Variants in ABCA1 observed in about 807,000 individuals in gnomAD.
The protein encoded by ABCA1 is ATP binding cassette subfamily A member 1.
Under a neutral mutation model 262.5 loss-of-function variants are expected in ABCA1, and 133 were observed. That is an observed-to-expected ratio of 0.51 (90% CI 0.44 to 0.59). The LOEUF (loss-of-function observed/expected upper bound fraction) is 0.59, where lower values mean the gene tolerates loss of function less well. Ranked by LOEUF, ABCA1 falls within the 20% of genes least tolerant of loss-of-function variation. ABCA1 has a pLI of 0.00. For synonymous variants in ABCA1, 1,022 were observed against 1,043.5 expected (o/e 0.98, Z 0.40); for missense variants, 2,452 against 2,777.5 (o/e 0.88, Z 2.63).
chr9:104,862,653 CCG>C (rs1836598926), intron 5 of ABCA1, among the ~76,000 whole-genome samples: 3 of 3,578 alleles, frequency 8.4e-4, no homozygotes, highest in Non-Finnish European at 1.8e-3. Flanking sequence ...CCGGGCCGGG[CCG>C]GGCCGGGCCG....
At chr9:104,831,520 T>C in intron 13 of ABCA1, 102 bp downstream of exon 13, 1 of 1,022,306 alleles carries the variant, frequency 9.8e-7, no homozygotes, top group South Asian at 1.7e-5. Flanking sequence ...GTTGTTGAAA[T>C]TTCTACCAAA....
chr9:104,829,182 G>A (rs377083767), intron 14 of ABCA1, 44 bp from the exon 15 acceptor site: 111 of 1,600,764 alleles, frequency 6.9e-5, no homozygotes, highest in African/African-American at 6.0e-4. Context: ...AAAGACACAC[G>A]TGAGCCAGGG....
intron 7 of ABCA1, among the ~76,000 whole-genome samples, chr9:104,850,502 GATAAA>G (rs1304657995): frequency 6.6e-6 from 1 of 150,484 alleles, no homozygotes; most frequent in Non-Finnish European, 1.5e-5. Flanking sequence ...TCAATGAAAA[GATAAA>G]AGAGGAAGGA....
chr9:104,809,161 A>G (rs7857007), intron 30 of ABCA1, among the ~76,000 whole-genome samples: 35 of 152,378 alleles, frequency 2.3e-4, no homozygotes, highest in African/African-American at 7.7e-4. Flanking sequence ...TGGGAGAGAA[A>G]GAAAGGAAAA....
rs904589547 is a variant in ABCA1 at position 104,837,418 on chromosome 9, G to A, written c.1194+10C>T. On this transcript the variant is annotated intron_variant, in intron 10 of 49. Transcript: ENST00000374736. The stretch of plus-strand genomic sequence containing the variant: ...TCTGGGGAGGGAGTCTTGGGCTGGG[G>A]GCAGCTTACCTCAGCCATGACCTGC... 3.7e-6 allele frequency: 6 copies of A among 1,613,782 alleles called. No homozygotes were observed. The African/African-American group carries it at 4.0e-5, about 11-fold the overall frequency.
At chr9:104,877,116 T>C (rs932567898) in intron 5 of ABCA1, among the ~76,000 whole-genome samples, 1 of 152,216 alleles carries the variant, frequency 6.6e-6, no homozygotes, top group East Asian at 1.9e-4. Flanking sequence ...ATGGCTGCCC[T>C]TCCAGAAAGC....
chr9:104,889,304 T>C, intron 2 of ABCA1, 109 bp from the exon 3 acceptor site: 1 of 1,534,048 alleles, frequency 6.5e-7, no homozygotes, highest in Non-Finnish European at 8.8e-7. Context: ...ATTAATCAAC[T>C]TCTCCAGTCT....
At chr9:104,832,806 A>C (rs1019951377) in intron 11 of ABCA1, 35 bp from the exon 12 acceptor site, 1 of 1,600,506 alleles carries the variant, frequency 6.2e-7, no homozygotes, top group African/African-American at 1.3e-5. Flanking sequence ...AGTAGTAAAC[A>C]CCAACTAAAT....
rs1831837325 is a variant in ABCA1 at position 104,817,026 on chromosome 9, C to T, written c.3535+306G>A. Among the ~76,000 whole-genome samples, 1 of 152,190 alleles carries T rather than the reference C, an allele frequency of 6.6e-6. No individual in the cohort carries two copies. Among genetic ancestry groups the T allele is most frequent in the Admixed American group, 6.5e-5 (1 of 15,286 alleles). On this transcript the variant is annotated intron_variant, in intron 24 of 49. Coordinates refer to ENST00000374736, the MANE Select transcript of ABCA1 (RefSeq NM_005502.4). This position sits in a 1 kb window ranked among gnomAD's most constrained non-coding sequence, Gnocchi z 4.7. ...CTAAGCTCAAATCCCACCCTCCTGG[C>T]TTGGCCCTCAGCTCCTCATCCCTGG...
chr9:104,872,962 T>A (rs1837760671), intron 5 of ABCA1, among the ~76,000 whole-genome samples: 1 of 152,246 alleles, frequency 6.6e-6, no homozygotes, highest in Non-Finnish European at 1.5e-5. Context: ...TTAGTTCAAG[T>A]AATATTTCAA....
In ABCA1 at chr9:104,831,845, T is replaced by G. The variant is rs1833356994; in HGVS notation, c.1510-18A>C. 2 of 1,613,548 alleles carry G rather than the reference T, an allele frequency of 1.2e-6. No individual in the cohort carries two copies. Among genetic ancestry groups the G allele is most frequent in the Non-Finnish European group, 1.7e-6 (2 of 1,179,564 alleles). ...TTGACACACTGATAGAAGAACAGCC[T>G]TCATGAGAACGTTGGCAGCCAGGAC... On this transcript the variant is annotated intron_variant, in intron 12 of 49. Transcript: ENST00000374736.
chr9:104,893,302 A>G (rs1160637454), intron 2 of ABCA1, among the ~76,000 whole-genome samples: 1 of 151,656 alleles, frequency 6.6e-6, no homozygotes, highest in African/African-American at 2.4e-5. Flanking sequence ...GGAGCCTGTA[A>G]TCCCAGCTAC....
chr9:104,817,144 G>A lies in ABCA1; in HGVS notation c.3535+188C>T. On this transcript the variant is annotated intron_variant, in intron 24 of 49. Transcript: ENST00000374736. The surrounding 1 kb of genome is among the most constrained non-coding windows in gnomAD (Gnocchi z 4.7). ...CTGCTAGCTCCCAAACCGAGCCCCA[G>A]GCACCCCAGCAAGCATTAGGCCAAC... 1.1e-6 allele frequency: 1 copy of A among 932,680 alleles called. No homozygotes were observed. The highest frequency in any genetic ancestry group is 1.2e-4 in the East Asian group (1 of 8,486). 57.8% of individuals were successfully genotyped at this position (932,680 alleles called of 1,614,324 possible). A position where few individuals can be genotyped will look rare whatever the true frequency, so the allele number is the denominator to read the frequency against.
intron 9 of ABCA1, among the ~76,000 whole-genome samples, chr9:104,839,521 T>TTTG (rs58815879): frequency 0.23 from 34,956 of 151,918 alleles, 4,505 homozygotes; most frequent in African/African-American, 0.34. Context: ...ATGTTAGTTC[T>TTTG]TTGTTGTTGT....
intron 2 of ABCA1, among the ~76,000 whole-genome samples, chr9:104,890,040 A>G (rs1041861803): frequency 6.6e-6 from 1 of 152,198 alleles, no homozygotes; most frequent in Admixed American, 6.5e-5. Context: ...GATGGAAATC[A>G]CTAGACACAA....
chr9:104,839,358 T>C (rs1564162062), intron 9 of ABCA1, among the ~76,000 whole-genome samples: 1 of 152,192 alleles, frequency 6.6e-6, no homozygotes, highest in African/African-American at 2.4e-5. Flanking sequence ...ATCCTGGCTC[T>C]TGTGGATTAA....
Position 104,829,327 on chromosome 9 carries a change from G to A in ABCA1, c.1893-189C>T, listed in dbSNP as rs543505853. Among the ~76,000 whole-genome samples the A allele has an allele frequency of 2.0e-4, 31 of 152,310 alleles. No homozygotes were observed. The South Asian group carries it at 5.4e-3, about 26-fold the overall frequency. ...AGCAATGCAATGTAGAGAGAAAAAC[G>A]AGGCTAACAAAGTGTTGCCAAACCA... On this transcript the variant is annotated intron_variant, in intron 14 of 49. Coordinates refer to ENST00000374736, the MANE Select transcript of ABCA1 (RefSeq NM_005502.4).
intron 3 of ABCA1, among the ~76,000 whole-genome samples, chr9:104,888,519 G>A (rs1839419037): frequency 6.6e-6 from 1 of 152,202 alleles, no homozygotes; most frequent in Non-Finnish European, 1.5e-5. Flanking sequence ...CTTAGTGAAT[G>A]CTGACACCAG....
Position 104,819,830 on chromosome 9 carries a change from C to T in ABCA1, c.3103+97G>A, listed in dbSNP as rs557350572. 6.5e-5 allele frequency: 105 copies of T among 1,609,834 alleles called. No individual in the cohort carries two copies. In the South Asian group the frequency reaches 1.1e-3, roughly 16 times the overall value. On this transcript the variant is annotated intron_variant, in intron 21 of 49. Transcript: ENST00000374736. ...GGACAAGTTTCTGTTACCAACCGCACCCAGCCTGGGACCCTGGGGCAGTGC... is the reference window on the plus strand; with the variant it reads ...GGACAAGTTTCTGTTACCAACCGCATCCAGCCTGGGACCCTGGGGCAGTGC...
Sources: gnomAD v4.1 joint callset for allele counts (sites outside exome capture counted in the v4.1 genomes callset) on GRCh38, gnomAD v4.1.1 for gene constraint, Gnocchi (gnomAD v3.1) non-coding constraint, MANE v1.5 for transcripts, NCBI Gene and HGNC (gene_info 2026-07-23, HGNC 2026-07-21) for gene names.